Variants in FBXO42 observed in about 807,000 individuals in gnomAD.
The protein encoded by FBXO42 is F-box only protein 42.
Under a neutral mutation model 71.7 loss-of-function variants are expected in FBXO42, and 12 were observed. The ratio of observed to expected loss-of-function variants is 0.17; its 90% CI spans 0.11 to 0.27. The LOEUF is 0.27. FBXO42 is among the 10% of genes least tolerant of loss of function. FBXO42 has a pLI of 1.00. For synonymous variants in FBXO42, 325 were observed against 327.5 expected (o/e 0.99, Z 0.08); for missense variants, 707 against 911.9 (o/e 0.78, Z 2.89).
At chr1:16,303,632 A>ATC (rs1039902053) in intron 3 of FBXO42, among the ~76,000 whole-genome samples, 15 of 151,534 alleles carry the variant, frequency 9.9e-5, no homozygotes, top group African/African-American at 3.6e-4. Context: ...CAGTGGCATG[A>ATC]TCTCGACTCA....
intron 1 of FBXO42, among the ~76,000 whole-genome samples, chr1:16,345,681 C>G (rs1008824051): frequency 6.6e-6 from 1 of 151,678 alleles, no homozygotes; most frequent in Non-Finnish European, 1.5e-5. Flanking sequence ...AACCCTGTCT[C>G]TACTAAAAAT....
intron 4 of FBXO42, among the ~76,000 whole-genome samples, chr1:16,284,960 ACT>A (rs1285696811): frequency 6.6e-6 from 1 of 151,370 alleles, no homozygotes; most frequent in Non-Finnish European, 1.5e-5. Flanking sequence ...CAAGAGCAAA[ACT>A]CTGTCTCAAA....
At chr1:16,311,496 A>AT (rs2082311851) in intron 2 of FBXO42, among the ~76,000 whole-genome samples, 9 of 116,618 alleles carry the variant, frequency 7.7e-5, no homozygotes, top group Non-Finnish European at 1.8e-5. Flanking sequence ...TCAAAAAAAA[A>AT]AAAAAAAATA....
At position 16,352,249 on chromosome 1, in the gene FBXO42, C is replaced by T; in HGVS notation, c.-18+6G>A. Reference sequence around the variant, plus strand: ...TCTGCGGCCCGGGGAGGAGGAGAGGCCTCACCTGGCCCAGCCCGCTCCACG... The same window carrying T: ...TCTGCGGCCCGGGGAGGAGGAGAGGTCTCACCTGGCCCAGCCCGCTCCACG... On this transcript the variant is annotated splice_donor_region_variant and intron_variant, in intron 1 of 9. Coordinates refer to ENST00000375592, the MANE Select transcript of FBXO42 (RefSeq NM_018994.3). The T allele has an allele frequency of 2.5e-6, 1 of 394,930 alleles. No homozygotes were observed. The highest frequency in any genetic ancestry group is 4.5e-6 in the Non-Finnish European group (1 of 224,128). The allele number at this position is 394,930 out of a possible 1,614,324, so 24.5% of individuals were successfully genotyped here.
At chr1:16,288,207 G>A (rs1053092068) in intron 4 of FBXO42, among the ~76,000 whole-genome samples, 4 of 151,590 alleles carry the variant, frequency 2.6e-5, no homozygotes, top group Non-Finnish European at 4.4e-5. Flanking sequence ...CGAGGCAGAC[G>A]GATCACGAGG....
chr1:16,286,199 CTTGG>C, intron 4 of FBXO42, among the ~76,000 whole-genome samples: 1 of 152,268 alleles, frequency 6.6e-6, no homozygotes, highest in East Asian at 1.9e-4. Flanking sequence ...CACTCAGTCC[CTTGG>C]TAATCTCATG....
intron 1 of FBXO42, among the ~76,000 whole-genome samples, chr1:16,335,029 C>G (rs2082538415): frequency 7.8e-6 from 1 of 128,628 alleles, no homozygotes; most frequent in Non-Finnish European, 1.6e-5. Flanking sequence ...GAGTTCAACA[C>G]CAGCCCTGGC....
intron 2 of FBXO42, among the ~76,000 whole-genome samples, chr1:16,313,032 C>G (rs1057241031): frequency 6.6e-6 from 1 of 151,908 alleles, no homozygotes; most frequent in African/African-American, 2.4e-5. Flanking sequence ...TGATCTCAGG[C>G]GATCCGCCCA....
intron 2 of FBXO42, among the ~76,000 whole-genome samples, chr1:16,306,827 T>C (rs1390466968): frequency 6.6e-6 from 1 of 152,166 alleles, no homozygotes; most frequent in Admixed American, 6.6e-5. Context: ...GCCTCCTGGG[T>C]AGCAGGCACT....
At chr1:16,303,030 G>T (rs2082212679) in intron 3 of FBXO42, among the ~76,000 whole-genome samples, 1 of 152,020 alleles carries the variant, frequency 6.6e-6, no homozygotes, top group South Asian at 2.1e-4. Flanking sequence ...GACCAGTCTG[G>T]ACAACATGGC....
chr1:16,333,450 T>A (rs2082522410), intron 1 of FBXO42, among the ~76,000 whole-genome samples: 1 of 110,552 alleles, frequency 9.0e-6, no homozygotes, highest in South Asian at 3.4e-4. Context: ...CCCCCCCCCA[T>A]TTCCAAGAAG....
intron 4 of FBXO42, among the ~76,000 whole-genome samples, chr1:16,258,647 G>A (rs564964459): frequency 3.3e-5 from 5 of 152,142 alleles, no homozygotes; most frequent in Admixed American, 3.3e-4. Flanking sequence ...GTAAGCCACT[G>A]TGCCTGTCCG....
chr1:16,255,965 T>C, intron 5 of FBXO42, 144 bp from the exon 6 acceptor site: 1 of 611,130 alleles, frequency 1.6e-6, no homozygotes, highest in Non-Finnish European at 2.8e-6. Flanking sequence ...TGGCATAATG[T>C]ATTTATGCCT....
intron 4 of FBXO42, among the ~76,000 whole-genome samples, chr1:16,267,231 A>G (rs950294358): frequency 6.6e-6 from 1 of 152,208 alleles, no homozygotes; most frequent in Non-Finnish European, 1.5e-5. Flanking sequence ...CAATGTGGCC[A>G]ATAATAATTA....
intron 1 of FBXO42, among the ~76,000 whole-genome samples, chr1:16,334,044 C>T (rs1569938211): frequency 6.6e-6 from 1 of 152,178 alleles, no homozygotes; most frequent in East Asian, 1.9e-4. Context: ...TAAGTGATGA[C>T]TGTGCAGAAT....
intron 3 of FBXO42, among the ~76,000 whole-genome samples, chr1:16,304,349 C>T (rs2082228259): frequency 6.6e-6 from 1 of 151,868 alleles, no homozygotes; most frequent in African/African-American, 2.4e-5. Context: ...AAACTCCTGA[C>T]CTCAGGTGAT....
intron 4 of FBXO42, among the ~76,000 whole-genome samples, chr1:16,261,229 C>T (rs1054686594): frequency 5.3e-5 from 8 of 152,200 alleles, no homozygotes; most frequent in African/African-American, 1.9e-4. Context: ...CTCTACAAGG[C>T]TCTGGGACAC....
intron 4 of FBXO42, among the ~76,000 whole-genome samples, chr1:16,287,116 T>C (rs60607555): frequency 0.027 from 4,054 of 152,310 alleles, 184 homozygotes; most frequent in African/African-American, 0.09. Context: ...TACATCCCTT[T>C]CATTTTCTGT....
intron 1 of FBXO42, among the ~76,000 whole-genome samples, chr1:16,350,878 T>C (rs373739577): frequency 7.2e-5 from 11 of 152,278 alleles, no homozygotes; most frequent in African/African-American, 2.4e-4. Context: ...TGGATCAATG[T>C]AGATTGAATC....
Sources: gnomAD v4.1 joint callset for allele counts (sites outside exome capture counted in the v4.1 genomes callset) on GRCh38, gnomAD v4.1.1 for gene constraint, MANE v1.5 for transcripts, NCBI Gene and HGNC (gene_info 2026-07-23, HGNC 2026-07-21) for gene names.